The following SYT3 variants were observed in gnomAD, a reference collection of about 807,000 sequenced individuals.
SYT3 encodes the protein synaptotagmin 3.
SYT3 carries 25 observed loss-of-function variants against 50.6 expected under a neutral mutation model. The ratio of observed to expected loss-of-function variants is 0.49; its 90% CI spans 0.36 to 0.69. The LOEUF (loss-of-function observed/expected upper bound fraction) is 0.69. SYT3 is among the 30% of genes least tolerant of loss of function. The pLI is 0.00. For missense variants in SYT3, 589 were observed against 793.6 expected, an observed-to-expected ratio of 0.74 and a Z score of 3.10; for synonymous variants, 323 against 353.9, an observed-to-expected ratio of 0.91 and a Z score of 0.98.
the SYT3 span, among the ~76,000 whole-genome samples, chr19:50,652,265 C>T: frequency 0.16 from 23,880 of 152,130 alleles, 2,522 homozygotes; most frequent in African/African-American, 0.3. Context: ...ACAAAGTGCA[C>T]ACATTTCAGG....
At chr19:50,642,274 C>A (rs901761222), upstream of SYT3, among the ~76,000 whole-genome samples, 2 of 152,262 alleles carry the variant, frequency 1.3e-5, no homozygotes, top group African/African-American at 2.4e-5. Flanking sequence ...GGGAGAGACA[C>A]GCAGTGATGC....
chr19:50,626,892 G>T (rs1984091518), intron 6 of SYT3, among the ~76,000 whole-genome samples: 1 of 151,980 alleles, frequency 6.6e-6, no homozygotes, highest in Admixed American at 6.6e-5. Context: ...TGGAGGGGCA[G>T]AGACCAGAGA....
the SYT3 span, among the ~76,000 whole-genome samples, chr19:50,654,497 C>T: frequency 6.6e-6 from 1 of 151,554 alleles, no homozygotes; most frequent in East Asian, 1.9e-4. Context: ...TGGGGTTTCA[C>T]CATATTGGCC....
At chr19:50,656,139 C>G in the SYT3 span, 3 of 1,536,126 alleles carry the variant, frequency 2.0e-6, no homozygotes, top group Non-Finnish European at 2.6e-6. Flanking sequence ...TGTCCCTGGC[C>G]CCCATGACCT....
chr19:50,645,863 G>T, the SYT3 span, among the ~76,000 whole-genome samples: 880 of 152,034 alleles, frequency 5.8e-3, 11 homozygotes, highest in Non-Finnish European at 6.5e-3. Context: ...CTGGGCCCTT[G>T]TCTCAAAAAA....
intron 6 of SYT3, among the ~76,000 whole-genome samples, chr19:50,626,989 G>T (rs1249824389): frequency 2.0e-5 from 3 of 152,058 alleles, no homozygotes; most frequent in Non-Finnish European, 4.4e-5. Context: ...CAGACAGAGT[G>T]GGACAAAGAC....
chr19:50,625,712 G>T lies in SYT3; in HGVS notation c.1403-148C>A. 1 of 1,419,294 alleles carries T rather than the reference G, an allele frequency of 7.0e-7. No homozygotes were observed. The highest frequency in any genetic ancestry group is 9.5e-7 in the Non-Finnish European group (1 of 1,056,376). The allele number at this position is 1,419,294 out of a possible 1,614,324, so 87.9% of individuals were successfully genotyped here. On this transcript the variant is annotated intron_variant, in intron 7 of 10. Transcript: ENST00000600079. This position sits in a 1 kb window ranked among gnomAD's most constrained non-coding sequence, Gnocchi z 7.5. Reference sequence around the variant, plus strand: ...CTCCTTCCTCAGGCCCAAGAGTCCAGACCCCAGGTCCTCCTCTCTCCGACC... The same window carrying T: ...CTCCTTCCTCAGGCCCAAGAGTCCATACCCCAGGTCCTCCTCTCTCCGACC...
chr19:50,642,764 G>A (rs1984701256), upstream of SYT3, among the ~76,000 whole-genome samples: 1 of 152,148 alleles, frequency 6.6e-6, no homozygotes. Flanking sequence ...AACCCAGGAG[G>A]CAGAGGCTGC....
At chr19:50,657,334 G>C in the SYT3 span, among the ~76,000 whole-genome samples, 2 of 152,178 alleles carry the variant, frequency 1.3e-5, no homozygotes, top group Non-Finnish European at 2.9e-5. Context: ...TCTCACCCCA[G>C]TCAAGGAATG....
chr19:50,644,865 G>A (rs534106589), upstream of SYT3, among the ~76,000 whole-genome samples: 127 of 152,134 alleles, frequency 8.3e-4, no homozygotes, highest in South Asian at 2.9e-3. Flanking sequence ...GTGCAGGGAT[G>A]GATGATTGGA....
Position 50,637,230 on chromosome 19 carries a change from CA to C in SYT3, c.148+33del. 6.2e-7 allele frequency: 1 copy of C among 1,602,912 alleles called. No individual in the cohort carries two copies. Among genetic ancestry groups the C allele is most frequent in the Non-Finnish European group, 8.5e-7 (1 of 1,172,406 alleles). On this transcript the variant is annotated intron_variant, in intron 3 of 10. Coordinates refer to ENST00000600079, the MANE Select transcript of SYT3 (RefSeq NM_001160329.2). The surrounding 1 kb of genome is among the most constrained non-coding windows in gnomAD (Gnocchi z 4.9). ...CCGAGTCTCCTGGCCATAGTGCAAG[CA>C]GGGGGCTGGCCAAGACAGGCAGGGG...
the SYT3 span, among the ~76,000 whole-genome samples, chr19:50,648,952 G>A: frequency 6.6e-6 from 1 of 151,850 alleles, no homozygotes; most frequent in African/African-American, 2.4e-5. Flanking sequence ...GAGGGTGACG[G>A]GGTTAGGGAG....
chr19:50,626,136 A>T, intron 6 of SYT3, 119 bp from the exon 7 acceptor site: 1 of 1,439,344 alleles, frequency 6.9e-7, no homozygotes. Context: ...CAGGCTTCCC[A>T]TCCACTTAGC....
the SYT3 span, among the ~76,000 whole-genome samples, chr19:50,652,305 T>C: frequency 6.6e-6 from 1 of 152,198 alleles, no homozygotes; most frequent in Non-Finnish European, 1.5e-5. Context: ...AGGACAACTA[T>C]AAGCCTGGCA....
chr19:50,649,808 TG>T, the SYT3 span: 1 of 530,194 alleles, frequency 1.9e-6, no homozygotes, highest in Admixed American at 2.2e-5. Flanking sequence ...GTAACCTCAC[TG>T]TCTTGTCTCC....
chr19:50,631,167 CTTTT>C (rs869146014), intron 4 of SYT3, among the ~76,000 whole-genome samples: 1 of 20,718 alleles, frequency 4.8e-5, no homozygotes. Context: ...TTCTTTCTTT[CTTTT>C]TTTTTTTTTT....
rs745558513 is a variant in SYT3, at chr19:50,625,117, G to A, written c.1707+45C>T. On this transcript the variant is annotated intron_variant, in intron 9 of 10. Transcript: ENST00000600079. This position sits in a 1 kb window ranked among gnomAD's most constrained non-coding sequence, Gnocchi z 7.5. ...TCGTTGCATGGATGAAGGGGCCGAG[G>A]GTGCACGGGTGCTTGTCAGGGGTCG... The A allele has an allele frequency of 6.7e-7, 1 of 1,499,964 alleles. No homozygotes were observed. The highest frequency in any genetic ancestry group is 2.4e-5 in the East Asian group (1 of 42,374). 92.9% of individuals were successfully genotyped at this position (1,499,964 alleles called of 1,614,324 possible). A position where few individuals can be genotyped will look rare whatever the true frequency, so the allele number is the denominator to read the frequency against.
At chr19:50,633,010 G>A (rs1365195630) in intron 3 of SYT3, among the ~76,000 whole-genome samples, 199 bp from the exon 4 acceptor site, 1 of 152,094 alleles carries the variant, frequency 6.6e-6, no homozygotes, top group Non-Finnish European at 1.5e-5. Context: ...TAAAGAGATG[G>A]AATCTCTGTT....
At chr19:50,642,080 GTT>G (rs2123029999), upstream of SYT3, among the ~76,000 whole-genome samples, 1 of 152,258 alleles carries the variant, frequency 6.6e-6, no homozygotes, top group East Asian at 1.9e-4. Flanking sequence ...TGCCTCCCAG[GTT>G]TGCCGAGTCT....
Sources: gnomAD v4.1 joint callset for allele counts (sites outside exome capture counted in the v4.1 genomes callset) on GRCh38, gnomAD v4.1.1 for gene constraint, Gnocchi (gnomAD v3.1) non-coding constraint, MANE v1.5 for transcripts, NCBI Gene and HGNC (gene_info 2026-07-23, HGNC 2026-07-21) for gene names.